Variants in ENTPD5 observed in about 807,000 individuals in gnomAD.
ENTPD5 encodes the protein nucleoside diphosphate phosphatase ENTPD5.
In ENTPD5, 49 loss-of-function variants were observed where a neutral mutation model predicts 60.2. That is an observed-to-expected ratio of 0.81 (90% CI 0.65 to 1.03). The LOEUF is 1.03. ENTPD5 is among the 50% of genes least tolerant of loss of function. The pLI is 0.00. For missense variants in ENTPD5, 480 were observed against 507.6 expected (o/e 0.95, Z 0.52); for synonymous variants, 187 against 185.4 (o/e 1.01, Z -0.07).
At chr14:73,988,251 G>A (rs1217399804) in intron 3 of ENTPD5, 79 bp from the exon 4 acceptor site, 2 of 1,336,238 alleles carry the variant, frequency 1.5e-6, no homozygotes, top group African/African-American at 1.5e-5. Context: ...CTCACTCCTG[G>A]GCCCAAGGTG....
intron 6 of ENTPD5, among the ~76,000 whole-genome samples, chr14:73,980,198 C>G (rs1437052409): frequency 1.4e-5 from 2 of 144,888 alleles, no homozygotes; most frequent in Non-Finnish European, 3.0e-5. Flanking sequence ...CCGCCCGCCT[C>G]GGCCTCCCAA....
intron 3 of ENTPD5, among the ~76,000 whole-genome samples, chr14:73,991,703 G>C (rs936401778): frequency 1.3e-5 from 2 of 150,206 alleles, no homozygotes; most frequent in Non-Finnish European, 2.9e-5. Context: ...ATCCACTAGA[G>C]GTCAATAGCA....
chr14:73,979,584 G>A lies in ENTPD5; in HGVS notation c.442-2210C>T, dbSNP rs918191517. Among the ~76,000 whole-genome samples, 9 of 150,836 alleles carry A rather than the reference G, an allele frequency of 6.0e-5. No homozygotes were observed. In the Admixed American group the frequency reaches 6.0e-4, roughly 10 times the overall value. ...CCTCCCGGGTTCACACCATTCTCCT[G>A]CCTCAGCCTCCCGAGTAGCTGGGAC... On this transcript the variant is annotated intron_variant, in intron 6 of 15. Transcript: ENST00000334696.
At chr14:73,968,084 A>G (rs2057062777) in intron 15 of ENTPD5, among the ~76,000 whole-genome samples, 1 of 152,030 alleles carries the variant, frequency 6.6e-6, no homozygotes, top group Non-Finnish European at 1.5e-5. Flanking sequence ...AGATTGCACC[A>G]TTGCACTCCA....
chr14:74,017,891 A>T (rs1401300044), intron 1 of ENTPD5, among the ~76,000 whole-genome samples: 1 of 150,662 alleles, frequency 6.6e-6, no homozygotes, highest in Admixed American at 6.6e-5. Context: ...GTCTCAAAAA[A>T]AAGGTTTACA....
At chr14:74,016,641 C>A (rs55714624) in intron 1 of ENTPD5, among the ~76,000 whole-genome samples, 15,084 of 152,080 alleles carry the variant, frequency 0.099, 803 homozygotes, top group South Asian at 0.17. Flanking sequence ...CTCAAAAAAA[C>A]CATCAAAAAA....
intron 14 of ENTPD5, among the ~76,000 whole-genome samples, chr14:73,971,372 G>A (rs2057217796): frequency 6.6e-6 from 1 of 152,066 alleles, no homozygotes; most frequent in South Asian, 2.1e-4. Context: ...TGGCCAGGCT[G>A]TCTTGAACTC....
At chr14:73,959,143 T>C (rs2140402207), downstream of ENTPD5, 1 of 1,614,110 alleles carries the variant, frequency 6.2e-7, no homozygotes, top group East Asian at 2.2e-5. Flanking sequence ...CAGAGAAACT[T>C]TTCTCCTCTC....
downstream of ENTPD5, chr14:73,958,955 T>G: frequency 1.2e-6 from 2 of 1,613,302 alleles, no homozygotes; most frequent in Non-Finnish European, 1.7e-6. Context: ...CTTAGCAGGC[T>G]CATGTGTCCA....
At chr14:73,986,654 A>G in intron 5 of ENTPD5, 160 bp downstream of exon 5, 1 of 630,696 alleles carries the variant, frequency 1.6e-6, no homozygotes, top group East Asian at 2.7e-5. Flanking sequence ...GAGCGTGGGA[A>G]ATGTAATTAA....
chr14:74,005,919 A>G (rs2058666694), intron 3 of ENTPD5, among the ~76,000 whole-genome samples: 1 of 152,254 alleles, frequency 6.6e-6, no homozygotes. Flanking sequence ...TAAGGAAAAG[A>G]ATTAAAGTCA....
At position 73,965,244 on chromosome 14, in the gene ENTPD5, C is replaced by CA. The variant is rs1273030490; in HGVS notation, c.*1683dup. On this transcript the variant is annotated 3_prime_UTR_variant, in exon 16 of 16. Coordinates refer to ENST00000334696, the MANE Select transcript of ENTPD5 (RefSeq NM_001249.5). ...TCCCATGGACTGTGTGAGGGCCAGG[C>CA]ATACTTAACATCCTTTGTGAGAGAG... The CA allele has an allele frequency of 6.6e-6, 1 of 152,072 alleles. No individual in the cohort carries two copies. The highest frequency in any genetic ancestry group is 1.5e-5 in the Non-Finnish European group (1 of 68,026). The allele number at this position is 152,072 out of a possible 1,614,324, so 9.4% of individuals were successfully genotyped here.
Position 73,966,862 on chromosome 14 carries a change from C to T in ENTPD5, c.*66G>A. ...GGATGTCCCCAGACTAGTTCAGAAA[C>T]TAAGTGCTCTCTCCTCCCCTTAAAA... On this transcript the variant is annotated 3_prime_UTR_variant, in exon 16 of 16. Coordinates refer to ENST00000334696, the MANE Select transcript of ENTPD5 (RefSeq NM_001249.5). The T allele has an allele frequency of 8.0e-7, 1 of 1,244,408 alleles. No homozygotes were observed. The highest frequency in any genetic ancestry group is 1.2e-6 in the Non-Finnish European group (1 of 849,202). 77.1% of individuals were successfully genotyped at this position (1,244,408 alleles called of 1,614,324 possible). A position where few individuals can be genotyped will look rare whatever the true frequency, so the allele number is the denominator to read the frequency against.
At chr14:73,974,598 A>G (rs2057359950) in intron 11 of ENTPD5, among the ~76,000 whole-genome samples, 1 of 152,180 alleles carries the variant, frequency 6.6e-6, no homozygotes, top group Non-Finnish European at 1.5e-5. Flanking sequence ...CTGTGCCTCC[A>G]ATGTAAAGCT....
intron 3 of ENTPD5, among the ~76,000 whole-genome samples, chr14:74,005,641 C>T (rs1047845816): frequency 2.6e-5 from 4 of 151,822 alleles, no homozygotes; most frequent in Non-Finnish European, 5.9e-5. Flanking sequence ...ATCCCCATCT[C>T]TACTAAAAAT....
intron 3 of ENTPD5, among the ~76,000 whole-genome samples, chr14:73,993,079 G>A (rs1166127044): frequency 6.6e-6 from 1 of 152,122 alleles, no homozygotes; most frequent in East Asian, 1.9e-4. Context: ...GCTCATGCCT[G>A]TAATCCCGGC....
At chr14:73,969,799 G>A (rs2336742) in intron 15 of ENTPD5, among the ~76,000 whole-genome samples, 74,119 of 152,006 alleles carry the variant, frequency 0.49, 18,383 homozygotes, top group South Asian at 0.62. Flanking sequence ...TGACCTGTGC[G>A]ATAGCTTGCC....
chr14:73,968,161 A>C (rs997131992), intron 15 of ENTPD5, among the ~76,000 whole-genome samples: 3 of 152,236 alleles, frequency 2.0e-5, no homozygotes, highest in Middle Eastern at 6.8e-3. Flanking sequence ...TCAAACAGGG[A>C]ACTTAAGACA....
chr14:73,976,581 C>G (rs1056195315), intron 8 of ENTPD5, among the ~76,000 whole-genome samples, 169 bp from the exon 9 acceptor site: 2 of 152,082 alleles, frequency 1.3e-5, no homozygotes, highest in African/African-American at 2.4e-5. Context: ...GCAGCAGAGG[C>G]CTTCAAGGCA....
Sources: allele counts gnomAD v4.1 joint callset (sites outside exome capture counted in the v4.1 genomes callset), GRCh38; gene constraint gnomAD v4.1.1; transcripts MANE v1.5; gene names NCBI Gene and HGNC (gene_info 2026-07-23, HGNC 2026-07-21).